EXOC6B: variants seen among roughly 807,000 people sequenced by gnomAD.
The protein encoded by EXOC6B is exocyst complex component 6B, also known as SEC15 homolog B.
In EXOC6B, 54 loss-of-function variants were observed where a neutral mutation model predicts 113.5. That is an observed-to-expected ratio of 0.48 (90% CI 0.38 to 0.60). The LOEUF (loss-of-function observed/expected upper bound fraction) is 0.60. Ranked by LOEUF, EXOC6B falls within the 20% of genes least tolerant of loss-of-function variation. EXOC6B has a pLI of 0.00. For synonymous variants in EXOC6B, 357 were observed against 339.0 expected, an observed-to-expected ratio of 1.05 and a Z score of -0.58; for missense variants, 797 against 977.5, an observed-to-expected ratio of 0.82 and a Z score of 2.46.
At chr2:72,225,602 T>C (rs1012181027) in intron 20 of EXOC6B, among the ~76,000 whole-genome samples, 1 of 152,204 alleles carries the variant, frequency 6.6e-6, no homozygotes, top group Non-Finnish European at 1.5e-5. Flanking sequence ...TTAAGACTTC[T>C]GTGTGAAGAC....
intron 16 of EXOC6B, among the ~76,000 whole-genome samples, 165 bp from the exon 17 acceptor site, chr2:72,480,915 T>G (rs1699048978): frequency 6.6e-6 from 1 of 152,194 alleles, no homozygotes; most frequent in African/African-American, 2.4e-5. Flanking sequence ...TTACCTCTTC[T>G]AGGAAGTTTT....
intron 6 of EXOC6B, among the ~76,000 whole-genome samples, chr2:72,641,715 T>A (rs1212786029): frequency 6.6e-6 from 1 of 152,228 alleles, no homozygotes; most frequent in Non-Finnish European, 1.5e-5. Flanking sequence ...AGCTGTGTTC[T>A]CTAAGCACAG....
At chr2:72,443,099 G>C (rs1034216845) in intron 18 of EXOC6B, among the ~76,000 whole-genome samples, 3 of 152,010 alleles carry the variant, frequency 2.0e-5, no homozygotes, top group African/African-American at 4.8e-5. Context: ...GGCTGAGGTG[G>C]GTGGGTCACT....
intron 20 of EXOC6B, among the ~76,000 whole-genome samples, chr2:72,258,367 T>TC (rs1472351805): frequency 6.8e-6 from 1 of 146,162 alleles, no homozygotes; most frequent in African/African-American, 2.5e-5. Context: ...TTTTCTTTTT[T>TC]TTTTTTTTTT....
At chr2:72,299,277 G>A (rs981740744) in intron 20 of EXOC6B, among the ~76,000 whole-genome samples, 9 of 150,598 alleles carry the variant, frequency 6.0e-5, no homozygotes, top group Admixed American at 3.3e-4. Context: ...TGATCAATTC[G>A]GCTATTGATA....
At chr2:72,308,481 T>C (rs1413203133) in intron 20 of EXOC6B, among the ~76,000 whole-genome samples, 2 of 152,148 alleles carry the variant, frequency 1.3e-5, no homozygotes, top group African/African-American at 4.8e-5. Flanking sequence ...AAAACTTTTC[T>C]AACTAATTCA....
At chr2:72,737,345 A>G (rs1402548730) in intron 2 of EXOC6B, among the ~76,000 whole-genome samples, 1 of 150,650 alleles carries the variant, frequency 6.6e-6, no homozygotes, top group Non-Finnish European at 1.5e-5. Context: ...CTCTGCCTCA[A>G]AAAAAATTAA....
At chr2:72,824,198 C>T (rs1360431790) in intron 1 of EXOC6B, among the ~76,000 whole-genome samples, 2 of 152,032 alleles carry the variant, frequency 1.3e-5, no homozygotes, top group African/African-American at 4.8e-5. Flanking sequence ...CCAGCCTGGG[C>T]AACATGGCAA....
intron 1 of EXOC6B, among the ~76,000 whole-genome samples, chr2:72,791,371 G>A (rs568836877): frequency 3.9e-5 from 6 of 152,144 alleles, no homozygotes; most frequent in South Asian, 2.1e-4. Context: ...TCGTGAGGCC[G>A]TGTTGCTACA....
intron 8 of EXOC6B, among the ~76,000 whole-genome samples, chr2:72,538,883 T>C (rs1170294321): frequency 6.6e-6 from 1 of 152,224 alleles, no homozygotes; most frequent in African/African-American, 2.4e-5. Context: ...CCTGCTATGT[T>C]ACTACTGTAG....
rs200328604 is a variant in EXOC6B, at chr2:72,586,683, C to T, written c.670-11015G>A. On this transcript the variant is annotated intron_variant, in intron 6 of 21. Coordinates refer to ENST00000272427, the MANE Select transcript of EXOC6B (RefSeq NM_015189.3). The stretch of plus-strand genomic sequence containing the variant: ...AGGAGAATGGCTTGAACCTGGGAGG[C>T]AGAGGTTGCAGTGAGCTGAGATCGC... 2.0e-5 allele frequency among the ~76,000 whole-genome samples: 3 copies of T among 152,010 alleles called. No individual in the cohort carries two copies. In the East Asian group the frequency reaches 5.8e-4, roughly 29 times the overall value.
rs1204366693 is a variant in EXOC6B at position 72,673,738 on chromosome 2, TA to T, written c.669+44364del. The stretch of plus-strand genomic sequence containing the variant: ...AAAATATATATTATTATTTTTATTT[TA>T]TTTTTTTATTTATTTTATTATTTTT... On this transcript the variant is annotated intron_variant, in intron 6 of 21. Coordinates refer to ENST00000272427, the MANE Select transcript of EXOC6B (RefSeq NM_015189.3). Among the ~76,000 whole-genome samples the T allele has an allele frequency of 5.3e-5, 8 of 149,884 alleles. No homozygotes were observed. In the East Asian group the frequency reaches 7.7e-4, roughly 14 times the overall value.
At chr2:72,626,045 T>C (rs1347905681) in intron 6 of EXOC6B, among the ~76,000 whole-genome samples, 1 of 152,136 alleles carries the variant, frequency 6.6e-6, no homozygotes, top group African/African-American at 2.4e-5. Context: ...ATCAGGACTA[T>C]ATACATAAGT....
intron 6 of EXOC6B, among the ~76,000 whole-genome samples, chr2:72,670,497 C>A (rs1486176416): frequency 6.6e-6 from 1 of 152,148 alleles, no homozygotes; most frequent in African/African-American, 2.4e-5. Context: ...TTTAATCAGG[C>A]CTAGACACTG....
rs923877882 is a variant in EXOC6B, at chr2:72,508,184, A to AAAAAAAAAAAAC, written c.1167+4947_1167+4948insGTTTTTTTTTTT. Among the ~76,000 whole-genome samples the AAAAAAAAAAAAC allele has an allele frequency of 3.6e-3, 322 of 88,928 alleles. 6 individuals are homozygous for AAAAAAAAAAAAC. The highest frequency in any genetic ancestry group is 0.013 in the African/African-American group (198 of 14,896). The allele number at this position is 88,928 out of a possible 152,430, so 58.3% of individuals were successfully genotyped here. A position where few individuals can be genotyped will look rare whatever the true frequency, so the allele number is the denominator to read the frequency against. The stretch of plus-strand genomic sequence containing the variant: ...CCCGCAAAAAAAAAAAAAAAAAAAA[A>AAAAAAAAAAAAC]ACACCTAAAAACAGTACTTTGATGG... On this transcript the variant is annotated intron_variant, in intron 11 of 21. Transcript: ENST00000272427.
At chr2:72,752,483 T>C (rs1573739694) in intron 1 of EXOC6B, among the ~76,000 whole-genome samples, 1 of 151,900 alleles carries the variant, frequency 6.6e-6, no homozygotes, top group East Asian at 1.9e-4. Flanking sequence ...AAAAATGCAC[T>C]AAATGAAAAT....
intron 20 of EXOC6B, among the ~76,000 whole-genome samples, chr2:72,236,774 G>A (rs1681983513): frequency 6.6e-6 from 1 of 152,020 alleles, no homozygotes; most frequent in Non-Finnish European, 1.5e-5. Flanking sequence ...AGTGGGACAA[G>A]CAAAGAGGGC....
intron 6 of EXOC6B, among the ~76,000 whole-genome samples, chr2:72,670,849 T>C (rs1204685459): frequency 3.3e-5 from 5 of 152,190 alleles, no homozygotes; most frequent in Admixed American, 2.0e-4. Flanking sequence ...TGGAGTTCTC[T>C]CTTCTCTACT....
intron 1 of EXOC6B, among the ~76,000 whole-genome samples, chr2:72,810,760 C>T (rs942660637): frequency 6.6e-5 from 10 of 151,984 alleles, no homozygotes; most frequent in Admixed American, 2.0e-4. Flanking sequence ...TATAACCATA[C>T]GTCAGTAAGC....
Sources: allele counts gnomAD v4.1 joint callset (sites outside exome capture counted in the v4.1 genomes callset), GRCh38; gene constraint gnomAD v4.1.1; transcripts MANE v1.5; gene names NCBI Gene and HGNC (gene_info 2026-07-23, HGNC 2026-07-21).